IPO11: variants seen among roughly 807,000 people sequenced by gnomAD.
The protein encoded by IPO11 is importin-11.
Under a neutral mutation model 143.2 loss-of-function variants are expected in IPO11, and 66 were observed. That is an observed-to-expected ratio of 0.46 (90% confidence interval 0.38 to 0.57). The LOEUF is 0.57. Among genes scored for constraint, IPO11 ranks in the 20% least tolerant of loss-of-function variants. The pLI, the probability that IPO11 is intolerant of heterozygous loss-of-function variation, is 0.00. For missense variants in IPO11, 1,026 were observed against 1,141.0 expected (o/e 0.90, Z 1.45); for synonymous variants, 385 against 377.8 (o/e 1.02, Z -0.22).
At chr5:62,584,209 A>G (rs542005058) in intron 27 of IPO11, among the ~76,000 whole-genome samples, 55 of 152,214 alleles carry the variant, frequency 3.6e-4, no homozygotes, top group African/African-American at 1.2e-3. Flanking sequence ...CTTACTCTCA[A>G]CCTCTTCCTG....
At chr5:62,528,542 A>G (rs888941198) in intron 21 of IPO11, among the ~76,000 whole-genome samples, 1 of 152,136 alleles carries the variant, frequency 6.6e-6, no homozygotes, top group Admixed American at 6.5e-5. Flanking sequence ...TAAATGAAGG[A>G]GGCAAAAAGG....
At chr5:62,567,044 A>G (rs77000877) in intron 27 of IPO11, among the ~76,000 whole-genome samples, 1,962 of 152,240 alleles carry the variant, frequency 0.013, 34 homozygotes, top group African/African-American at 0.045. Flanking sequence ...TTTTCTTGTT[A>G]CATTTTACCA....
At chr5:62,564,785 A>G (rs188239766) in intron 27 of IPO11, among the ~76,000 whole-genome samples, 1 of 152,292 alleles carries the variant, frequency 6.6e-6, no homozygotes, top group Admixed American at 6.5e-5. Context: ...AAGAATGACC[A>G]TTTGGGAAAT....
intron 29 of IPO11, among the ~76,000 whole-genome samples, chr5:62,607,436 C>T (rs935607456): frequency 1.3e-5 from 2 of 151,652 alleles, no homozygotes; most frequent in Non-Finnish European, 2.9e-5. Context: ...ATTCTTTTGC[C>T]TGCTCCCATT....
chr5:62,435,100 G>A (rs200430386), intron 1 of IPO11, among the ~76,000 whole-genome samples: 3 of 62,190 alleles, frequency 4.8e-5, no homozygotes, highest in Admixed American at 1.6e-4. Context: ...ATGTATATAT[G>A]TATATATATG....
At chr5:62,553,363 T>A (rs866172582) in intron 26 of IPO11, among the ~76,000 whole-genome samples, 32 of 151,660 alleles carry the variant, frequency 2.1e-4, no homozygotes, top group Middle Eastern at 3.4e-3. Flanking sequence ...TGTGTGTGTG[T>A]GATATTTTCT....
At chr5:62,441,766 C>G (rs1195162381) in intron 2 of IPO11, among the ~76,000 whole-genome samples, 2 of 151,530 alleles carry the variant, frequency 1.3e-5, no homozygotes, top group Non-Finnish European at 2.9e-5. Flanking sequence ...GTCCACCTGC[C>G]TCGGCCTCCC....
chr5:62,615,499 G>T (rs1228636449), intron 29 of IPO11, among the ~76,000 whole-genome samples: 2 of 152,234 alleles, frequency 1.3e-5, no homozygotes, highest in Non-Finnish European at 2.9e-5. Flanking sequence ...TATGCCATAA[G>T]TGTAGCAGAC....
At chr5:62,485,307 C>T (rs1746358910) in intron 11 of IPO11, 112 bp from the exon 12 acceptor site, 1 of 815,118 alleles carries the variant, frequency 1.2e-6, no homozygotes. Flanking sequence ...AGGCTTTGCT[C>T]TTAATGTTAT....
chr5:62,483,045 C>T (rs1427448067), intron 9 of IPO11, 56 bp from the exon 10 acceptor site: 8 of 1,109,358 alleles, frequency 7.2e-6, no homozygotes, highest in Non-Finnish European at 1.1e-5. Context: ...TGATTATATT[C>T]CAATATGAAT....
In IPO11 at chr5:62,567,609, C is replaced by A. The variant is rs189895987; in HGVS notation, c.2582+6352C>A. ...TGGAGTTTCACTCTTGTTGCCCAGG[C>A]TGCAGTGCATTGGAACGATCTCGGC... On this transcript the variant is annotated intron_variant, in intron 27 of 29. Coordinates refer to ENST00000325324, the MANE Select transcript of IPO11 (RefSeq NM_016338.5). 2.1e-3 allele frequency among the ~76,000 whole-genome samples: 285 copies of A among 132,852 alleles called. 4 individuals carry two copies. The Admixed American group carries it at 0.022, about 10-fold the overall frequency. 87.2% of individuals were successfully genotyped at this position (132,852 alleles called of 152,430 possible).
At chr5:62,525,598 G>A (rs1322499398) in intron 20 of IPO11, among the ~76,000 whole-genome samples, 1 of 152,158 alleles carries the variant, frequency 6.6e-6, no homozygotes, top group Non-Finnish European at 1.5e-5. Context: ...TGCCCAGGCT[G>A]GTCACCAACT....
chr5:62,449,796 C>T (rs574182822), intron 3 of IPO11, 131 bp from the exon 4 acceptor site: 8 of 543,496 alleles, frequency 1.5e-5, no homozygotes, highest in Non-Finnish European at 2.2e-5. Context: ...GGAAATAATC[C>T]TTTTTATTTA....
chr5:62,609,839 G>T (rs1351964868), intron 29 of IPO11, among the ~76,000 whole-genome samples: 2 of 152,222 alleles, frequency 1.3e-5, no homozygotes, highest in African/African-American at 4.8e-5. Context: ...GACTGCAAGG[G>T]TTGCTTCTGA....
At chr5:62,514,211 A>G (rs1025303031) in intron 19 of IPO11, among the ~76,000 whole-genome samples, 3 of 152,054 alleles carry the variant, frequency 2.0e-5, no homozygotes, top group African/African-American at 7.3e-5. Context: ...AGGGGCTGCA[A>G]TCTCTGCACT....
In IPO11 at chr5:62,598,372, ATTGTTTGCTTGC is replaced by A. The variant is rs1561380259; in HGVS notation, c.2679-3388_2679-3377del. Among the ~76,000 whole-genome samples the A allele has an allele frequency of 6.3e-5, 2 of 31,662 alleles. 1 individual carries two copies. Among genetic ancestry groups the A allele is most frequent in the Non-Finnish European group, 1.1e-4 (2 of 18,890 alleles). 20.8% of individuals were successfully genotyped at this position (31,662 alleles called of 152,430 possible). On this transcript the variant is annotated intron_variant, in intron 28 of 29. Coordinates refer to ENST00000325324, the MANE Select transcript of IPO11 (RefSeq NM_016338.5). ...TTGTCTTATGTGAAACGACCCATAA[ATTGTTTGCTTGC>A]TTGCTTGCTTTCTTTCTTTCTTTCT...
At chr5:62,529,076 A>T (rs1742459140) in intron 21 of IPO11, among the ~76,000 whole-genome samples, 1 of 152,086 alleles carries the variant, frequency 6.6e-6, no homozygotes, top group Non-Finnish European at 1.5e-5. Context: ...TACTTGCTTT[A>T]GGTTTATGGG....
At chr5:62,470,934 TCTC>T (rs1309651399) in intron 7 of IPO11, among the ~76,000 whole-genome samples, 1 of 149,222 alleles carries the variant, frequency 6.7e-6, no homozygotes, top group African/African-American at 2.5e-5. Context: ...TTCAAGCAGT[TCTC>T]CTGCCTCAGC....
At chr5:62,418,111 T>C (rs1580152696) in intron 1 of IPO11, among the ~76,000 whole-genome samples, 1 of 151,706 alleles carries the variant, frequency 6.6e-6, no homozygotes, top group East Asian at 1.9e-4. Flanking sequence ...CTGCTGCAGC[T>C]TTCCGAGTAG....
Sources: gnomAD v4.1 joint callset for allele counts (sites outside exome capture counted in the v4.1 genomes callset) on GRCh38, gnomAD v4.1.1 for gene constraint, MANE v1.5 for transcripts, NCBI Gene and HGNC (gene_info 2026-07-23, HGNC 2026-07-21) for gene names.